HACE1: variants seen among roughly 807,000 people sequenced by gnomAD.
HACE1 encodes the protein E3 ubiquitin-protein ligase HACE1.
HACE1 carries 73 observed loss-of-function variants against 118.4 expected under a neutral mutation model. The ratio of observed to expected loss-of-function variants is 0.62; its 90% CI spans 0.51 to 0.75. The LOEUF (loss-of-function observed/expected upper bound fraction) is 0.75. Ranked by LOEUF, HACE1 falls within the 30% of genes least tolerant of loss-of-function variation. HACE1 has a pLI of 0.00. For missense variants in HACE1, 749 were observed against 1,102.2 expected (o/e 0.68, Z 4.54); for synonymous variants, 368 against 374.8 (o/e 0.98, Z 0.21).
At chr6:104,852,199 C>G (rs2499661) in intron 2 of HACE1, 118 bp downstream of exon 2, 301,856 of 639,830 alleles carry the variant, frequency 0.47, 71,403 homozygotes, top group East Asian at 0.56. Flanking sequence ...TCCAAACTGT[C>G]TGTGTGTGTG....
In HACE1 at chr6:104,849,127, A is replaced by T. The variant is rs369635015; in HGVS notation, c.326+15T>A. ...ATAATACAACTTAAGCCACTTAAGA[A>T]AACTAAATAGTTACCCATTTCTTGC... On this transcript the variant is annotated intron_variant, in intron 4 of 23. Transcript: ENST00000262903. The T allele has an allele frequency of 1.4e-6, 2 of 1,422,114 alleles. No homozygotes were observed. Among genetic ancestry groups the T allele is most frequent in the African/African-American group, 2.8e-5 (2 of 71,222 alleles). The allele number at this position is 1,422,114 out of a possible 1,614,324, so 88.1% of individuals were successfully genotyped here. A position where few individuals can be genotyped will look rare whatever the true frequency, so the allele number is the denominator to read the frequency against.
intron 17 of HACE1, among the ~76,000 whole-genome samples, chr6:104,773,469 T>C (rs1300940668): frequency 6.6e-6 from 1 of 152,144 alleles, no homozygotes; most frequent in Non-Finnish European, 1.5e-5. Context: ...TCATTCACTG[T>C]TAAGGACCTT....
intron 3 of HACE1, 112 bp downstream of exon 3, chr6:104,850,795 A>G (rs936809614): frequency 3.8e-6 from 3 of 797,900 alleles, no homozygotes; most frequent in African/African-American, 3.4e-5. Context: ...ATAAAGAACT[A>G]CTCAGCTGTC....
intron 1 of HACE1, among the ~76,000 whole-genome samples, chr6:104,855,438 A>G (rs1170624946): frequency 1.3e-5 from 2 of 151,988 alleles, no homozygotes; most frequent in African/African-American, 2.4e-5. Context: ...GCGAGACTCC[A>G]TCTCGGAAAA....
chr6:104,743,733 G>A (rs1255576955), intron 22 of HACE1, among the ~76,000 whole-genome samples: 2 of 151,974 alleles, frequency 1.3e-5, no homozygotes, highest in East Asian at 1.9e-4. Flanking sequence ...AGTTTACTTT[G>A]AATTACAGAA....
chr6:104,784,272 C>G (rs1782097430), intron 13 of HACE1, 99 bp from the exon 14 acceptor site: 1 of 859,690 alleles, frequency 1.2e-6, no homozygotes, highest in Non-Finnish European at 2.0e-6. Flanking sequence ...AAGAAAAACA[C>G]ATAATAATCC....
chr6:104,802,633 G>T (rs1770507857), intron 7 of HACE1, among the ~76,000 whole-genome samples: 1 of 152,180 alleles, frequency 6.6e-6, no homozygotes, highest in Non-Finnish European at 1.5e-5. Context: ...ATAACGAAAT[G>T]AAGGCAGAAA....
intron 20 of HACE1, among the ~76,000 whole-genome samples, chr6:104,747,896 G>A (rs930456577): frequency 3.3e-5 from 5 of 152,042 alleles, no homozygotes; most frequent in Non-Finnish European, 7.4e-5. Flanking sequence ...AGTAAAGTCA[G>A]AGTCCAAGAC....
At chr6:104,768,749 G>A (rs746832923) in intron 19 of HACE1, among the ~76,000 whole-genome samples, 2 of 152,028 alleles carry the variant, frequency 1.3e-5, no homozygotes, top group Admixed American at 6.6e-5. Flanking sequence ...TAAACAAAAT[G>A]TAAATATATA....
chr6:104,797,746 G>T (rs1295290075), intron 7 of HACE1, among the ~76,000 whole-genome samples: 1 of 151,940 alleles, frequency 6.6e-6, no homozygotes, highest in Non-Finnish European at 1.5e-5. Context: ...TATCACTCCA[G>T]GGAAATTAAT....
rs757903278 is a variant in HACE1, at chr6:104,791,490, T to C, written c.1074+14A>G. 5.6e-6 allele frequency: 9 copies of C among 1,602,830 alleles called. No individual in the cohort carries two copies. The highest frequency in any genetic ancestry group is 6.0e-6 in the Non-Finnish European group (7 of 1,169,966). On this transcript the variant is annotated intron_variant, in intron 11 of 23. Transcript: ENST00000262903. ...TACGTCTATCTTCCTAACAATGCCATATACTTTTCTCACCTTGAACACCTG... is the reference window on the plus strand; with the variant it reads ...TACGTCTATCTTCCTAACAATGCCACATACTTTTCTCACCTTGAACACCTG...
At chr6:104,793,615 T>A (rs1355915392) in intron 10 of HACE1, among the ~76,000 whole-genome samples, 2 of 152,222 alleles carry the variant, frequency 1.3e-5, no homozygotes, top group Non-Finnish European at 2.9e-5. Flanking sequence ...TATATTTGAA[T>A]CAGTTATTTT....
In HACE1 at chr6:104,852,385, A is replaced by C. The variant is rs199569457; in HGVS notation, c.77-14T>G. The C allele has an allele frequency of 5.8e-6, 7 of 1,209,152 alleles. No homozygotes were observed. The highest frequency in any genetic ancestry group is 1.9e-5 in the African/African-American group (1 of 53,226). 74.9% of individuals were successfully genotyped at this position (1,209,152 alleles called of 1,614,324 possible). On this transcript the variant is annotated splice_polypyrimidine_tract_variant and intron_variant, in intron 1 of 23. Transcript: ENST00000262903. ...CAGTTTCATTATCTGAGTAAAAAAA[A>C]ACAAAGAGTTCATTTATCCCCTACT...
intron 19 of HACE1, among the ~76,000 whole-genome samples, chr6:104,752,139 C>T (rs868281828): frequency 1.3e-5 from 2 of 152,106 alleles, no homozygotes; most frequent in South Asian, 2.1e-4. Context: ...AAGCTACCAT[C>T]TCTGCTATTC....
At chr6:104,749,140 C>T (rs1777763346) in intron 20 of HACE1, among the ~76,000 whole-genome samples, 1 of 152,040 alleles carries the variant, frequency 6.6e-6, no homozygotes, top group Non-Finnish European at 1.5e-5. Context: ...CATATAGGTC[C>T]AGCAAATAAC....
chr6:104,737,601 G>A lies in HACE1; in HGVS notation c.2513+6559C>T, dbSNP rs372144707. ...CTAGAAAATCGGGTCACTCCCACCCGAATACTGCGCTTTTCCGATGGGCTT... is the reference window on the plus strand; with the variant it reads ...CTAGAAAATCGGGTCACTCCCACCCAAATACTGCGCTTTTCCGATGGGCTT... On this transcript the variant is annotated intron_variant, in intron 22 of 23. Coordinates refer to ENST00000262903, the MANE Select transcript of HACE1 (RefSeq NM_020771.4). Among the ~76,000 whole-genome samples, 55 of 152,272 alleles carry A rather than the reference G, an allele frequency of 3.6e-4. No individual in the cohort carries two copies. The East Asian group carries it at 7.9e-3, about 22-fold the overall frequency.
rs191575516 is a variant in HACE1, at chr6:104,760,598, G to C, written c.2212-10126C>G. ...CCCACAGCCAATATCATACTGAATA[G>C]GGAAAAAAACGGGAAGCATTCTCTT... On this transcript the variant is annotated intron_variant, in intron 19 of 23. Coordinates refer to ENST00000262903, the MANE Select transcript of HACE1 (RefSeq NM_020771.4). 6.1e-3 allele frequency among the ~76,000 whole-genome samples: 934 copies of C among 152,196 alleles called. 6 individuals carry two copies. The highest frequency in any genetic ancestry group is 0.01 in the Non-Finnish European group (684 of 67,992).
intron 6 of HACE1, among the ~76,000 whole-genome samples, chr6:104,828,069 A>C (rs73768837): frequency 0.032 from 4,805 of 152,158 alleles, 241 homozygotes; most frequent in African/African-American, 0.11. Context: ...CGTTATTCTG[A>C]GAAGACTGTA....
chr6:104,757,250 A>G (rs987156082), intron 19 of HACE1, among the ~76,000 whole-genome samples: 1 of 152,214 alleles, frequency 6.6e-6, no homozygotes, highest in South Asian at 2.1e-4. Flanking sequence ...GAGAACAGAC[A>G]GACTACCTCC....
Sources: allele counts gnomAD v4.1 joint callset (sites outside exome capture counted in the v4.1 genomes callset), GRCh38; gene constraint gnomAD v4.1.1; transcripts MANE v1.5; gene names NCBI Gene and HGNC (gene_info 2026-07-23, HGNC 2026-07-21).